Variants in SLC9A9 observed in about 807,000 individuals in gnomAD.
The protein encoded by SLC9A9 is sodium/hydrogen exchanger 9.
A neutral mutation model predicts 77.8 loss-of-function variants in SLC9A9; 62 were observed. The observed-to-expected ratio is 0.80, with a 90% CI of 0.65 to 0.98. The LOEUF (loss-of-function observed/expected upper bound fraction) is 0.98, where lower values mean the gene tolerates loss of function less well. Ranked by LOEUF, SLC9A9 falls within the 50% of genes least tolerant of loss-of-function variation. The probability of loss-of-function intolerance (pLI) is 0.00; values close to 1 mark genes in which losing one functional copy is unlikely to be tolerated. For missense variants in SLC9A9, 775 were observed against 774.9 expected, an observed-to-expected ratio of 1.00 and a Z score of 0.00; for synonymous variants, 320 against 283.5, an observed-to-expected ratio of 1.13 and a Z score of -1.29.
At position 143,370,567 on chromosome 3, in the gene SLC9A9, G is replaced by GCGCGCACA. The variant is rs373398536; in HGVS notation, c.1525-7005_1525-7004insTGTGCGCG. Among the ~76,000 whole-genome samples, 362 of 143,412 alleles carry GCGCGCACA rather than the reference G, an allele frequency of 2.5e-3. 1 individual carries two copies. The highest frequency in any genetic ancestry group is 4.2e-3 in the Non-Finnish European group (278 of 66,024). The allele number at this position is 143,412 out of a possible 152,430, so 94.1% of individuals were successfully genotyped here. ...TGTACACAAGTATATGCATGTGCGC[G>GCGCGCACA]CACACACACACACACACACACACAC... On this transcript the variant is annotated intron_variant, in intron 13 of 15. Coordinates refer to ENST00000316549, the MANE Select transcript of SLC9A9 (RefSeq NM_173653.4).
chr3:143,570,479 C>A (rs2037239087), intron 8 of SLC9A9, among the ~76,000 whole-genome samples: 1 of 151,938 alleles, frequency 6.6e-6, no homozygotes, highest in African/African-American at 2.4e-5. Flanking sequence ...TTTATTAAAC[C>A]AGACATTTTA....
rs568476252 is a variant in SLC9A9, at chr3:143,286,227, C to T, written c.1605-17247G>A. ...CTGTTGCTGATTTTAAGAGTGCTTT[C>T]GAAGGAGGGTATATGTGTGCTCTGG... On this transcript the variant is annotated intron_variant, in intron 14 of 15. Transcript: ENST00000316549. 3.3e-5 allele frequency among the ~76,000 whole-genome samples: 5 copies of T among 152,160 alleles called. No individual in the cohort carries two copies. In the South Asian group the frequency reaches 6.2e-4, roughly 19 times the overall value.
chr3:143,500,701 T>A (rs1002935618), intron 9 of SLC9A9, among the ~76,000 whole-genome samples: 1 of 152,060 alleles, frequency 6.6e-6, no homozygotes, highest in Non-Finnish European at 1.5e-5. Context: ...CAGTACCTCC[T>A]ACCTCCCAAC....
At chr3:143,393,745 G>A (rs1053344966) in intron 12 of SLC9A9, among the ~76,000 whole-genome samples, 37 of 151,566 alleles carry the variant, frequency 2.4e-4, no homozygotes, top group African/African-American at 6.8e-4. Context: ...TCAAATAGAC[G>A]CAATAAAAAA....
intron 4 of SLC9A9, among the ~76,000 whole-genome samples, chr3:143,728,778 A>G (rs2108808302): frequency 6.6e-6 from 1 of 152,116 alleles, no homozygotes; most frequent in Middle Eastern, 3.4e-3. Context: ...AATCTCCTGG[A>G]GTCCTGACTC....
rs79532799 is a variant in SLC9A9 at position 143,368,280 on chromosome 3, T to C, written c.1525-4717A>G. 7.9e-3 allele frequency among the ~76,000 whole-genome samples: 1,210 copies of C among 152,318 alleles called. 38 individuals are homozygous for C. The East Asian group carries it at 0.097, about 12-fold the overall frequency. ...CAACAGAAAAATTATGATGGTACTC[T>C]GTTTTGTGCTTATTTGAACCCCTGA... On this transcript the variant is annotated intron_variant, in intron 13 of 15. Coordinates refer to ENST00000316549, the MANE Select transcript of SLC9A9 (RefSeq NM_173653.4).
chr3:143,309,238 A>C (rs998594053), intron 14 of SLC9A9, among the ~76,000 whole-genome samples: 1 of 152,140 alleles, frequency 6.6e-6, no homozygotes, highest in African/African-American at 2.4e-5. Context: ...GAGGCTTGGG[A>C]AGGTGGAATG....
chr3:143,807,271 T>C lies in SLC9A9; in HGVS notation c.379-10368A>G, dbSNP rs1044071940. On this transcript the variant is annotated intron_variant, in intron 2 of 15. Coordinates refer to ENST00000316549, the MANE Select transcript of SLC9A9 (RefSeq NM_173653.4). ...CCAGCCTGGCCAAATTGGTGAAACA[T>C]TGGTTTTAAATATAGGATGAGCAGA... 8.5e-5 allele frequency among the ~76,000 whole-genome samples: 13 copies of C among 152,248 alleles called. No individual in the cohort carries two copies. The South Asian group carries it at 1.0e-3, about 12-fold the overall frequency.
intron 9 of SLC9A9, among the ~76,000 whole-genome samples, chr3:143,516,162 G>T (rs72991992): frequency 0.02 from 3,078 of 152,152 alleles, 99 homozygotes; most frequent in African/African-American, 0.069. Context: ...TGCATAAACT[G>T]TACACGACAT....
At chr3:143,410,643 T>C (rs1257444917) in intron 12 of SLC9A9, among the ~76,000 whole-genome samples, 3 of 152,248 alleles carry the variant, frequency 2.0e-5, no homozygotes, top group Non-Finnish European at 4.4e-5. Context: ...TCTTAGGGCA[T>C]TGCTGCCAGA....
intron 2 of SLC9A9, among the ~76,000 whole-genome samples, chr3:143,805,320 C>T (rs1180879930): frequency 6.6e-6 from 1 of 152,154 alleles, no homozygotes; most frequent in Non-Finnish European, 1.5e-5. Flanking sequence ...TGACCTCTTT[C>T]ACTCTAGGTT....
At chr3:143,719,265 C>T (rs1257719763) in intron 4 of SLC9A9, among the ~76,000 whole-genome samples, 1 of 152,178 alleles carries the variant, frequency 6.6e-6, no homozygotes, top group Non-Finnish European at 1.5e-5. Flanking sequence ...GCTTCCTCAA[C>T]ACACCTCCAT....
chr3:143,487,775 A>C (rs1056910196), intron 11 of SLC9A9, among the ~76,000 whole-genome samples: 1 of 151,768 alleles, frequency 6.6e-6, no homozygotes, highest in African/African-American at 2.4e-5. Flanking sequence ...AAACACTTAC[A>C]TTAAAAAACA....
chr3:143,341,958 C>T (rs761350033), intron 14 of SLC9A9, among the ~76,000 whole-genome samples: 1 of 152,078 alleles, frequency 6.6e-6, no homozygotes, highest in African/African-American at 2.4e-5. Context: ...AGATGAAGAG[C>T]CCTGAAAGCT....
At chr3:143,654,955 A>G (rs1300836133) in intron 5 of SLC9A9, among the ~76,000 whole-genome samples, 2 of 152,264 alleles carry the variant, frequency 1.3e-5, no homozygotes, top group African/African-American at 4.8e-5. Context: ...CCTTTTGAAC[A>G]AAGAACTGAA....
intron 14 of SLC9A9, among the ~76,000 whole-genome samples, chr3:143,328,022 T>A (rs2031653701): frequency 6.6e-6 from 1 of 152,244 alleles, no homozygotes; most frequent in South Asian, 2.1e-4. Context: ...GCACAAGTAC[T>A]ATCTATTTTC....
rs138622980 is a variant in SLC9A9 at position 143,507,178 on chromosome 3, C to T, written c.1090-11730G>A. Among the ~76,000 whole-genome samples the T allele has an allele frequency of 2.1e-3, 316 of 151,592 alleles. 1 individual carries two copies. Among genetic ancestry groups the T allele is most frequent in the African/African-American group, 7.3e-3 (302 of 41,354 alleles). On this transcript the variant is annotated intron_variant, in intron 9 of 15. Coordinates refer to ENST00000316549, the MANE Select transcript of SLC9A9 (RefSeq NM_173653.4). ...ACCTCCTATCCCGACACATGTACAGCCTCTCTCATTATTATTATCATTATT... is the reference window on the plus strand; with the variant it reads ...ACCTCCTATCCCGACACATGTACAGTCTCTCTCATTATTATTATCATTATT...
intron 11 of SLC9A9, 141 bp downstream of exon 11, chr3:143,493,512 G>A (rs998543676): frequency 1.1e-5 from 8 of 708,774 alleles, no homozygotes; most frequent in East Asian, 5.5e-5. Flanking sequence ...CAGCACTTAC[G>A]GAGAATCAGC....
At chr3:143,686,277 G>T (rs1205506990) in intron 5 of SLC9A9, among the ~76,000 whole-genome samples, 1 of 151,646 alleles carries the variant, frequency 6.6e-6, no homozygotes, top group Admixed American at 6.6e-5. Context: ...CTGAAAAGAG[G>T]AAAAAAATCC....
Sources: allele counts gnomAD v4.1 joint callset (sites outside exome capture counted in the v4.1 genomes callset), GRCh38; gene constraint gnomAD v4.1.1; transcripts MANE v1.5; gene names NCBI Gene and HGNC (gene_info 2026-07-23, HGNC 2026-07-21).